Variants in AGPAT5 observed in about 807,000 individuals in gnomAD.
AGPAT5 encodes 1-acylglycerol-3-phosphate O-acyltransferase 5.
A neutral mutation model predicts 45.6 loss-of-function variants in AGPAT5; 46 were observed. The observed-to-expected ratio is 1.01, with a 90% CI of 0.80 to 1.29. The LOEUF is 1.29. AGPAT5 is among the 50% of genes most tolerant of loss of function. AGPAT5 has a pLI of 0.00. For missense variants in AGPAT5, 673 were observed against 450.7 expected, an observed-to-expected ratio of 1.49 and a Z score of -4.47; for synonymous variants, 272 against 167.0, an observed-to-expected ratio of 1.63 and a Z score of -4.85.
intron 2 of AGPAT5, among the ~76,000 whole-genome samples, chr8:6,726,072 C>T (rs191638393): frequency 1.3e-5 from 2 of 152,180 alleles, no homozygotes; most frequent in Admixed American, 1.3e-4. Flanking sequence ...AGTATTTTCC[C>T]CAACTTTATT....
chr8:6,711,241 G>C (rs1800147855), intron 1 of AGPAT5, among the ~76,000 whole-genome samples: 1 of 152,218 alleles, frequency 6.6e-6, no homozygotes, highest in African/African-American at 2.4e-5. Flanking sequence ...TATGATCTGT[G>C]CTTGGCAGGT....
chr8:6,725,260 T>C (rs1466162381), intron 2 of AGPAT5, among the ~76,000 whole-genome samples: 1 of 152,188 alleles, frequency 6.6e-6, no homozygotes, highest in East Asian at 1.9e-4. Flanking sequence ...AGAAGTAGCA[T>C]TGGTGGGTCG....
chr8:6,732,763 A>G, intron 4 of AGPAT5, 113 bp downstream of exon 4: 1 of 965,078 alleles, frequency 1.0e-6, no homozygotes, highest in Non-Finnish European at 1.5e-6. Context: ...TGTAATTACT[A>G]ATTCAGGGTT....
intron 1 of AGPAT5, among the ~76,000 whole-genome samples, chr8:6,713,844 C>T (rs1563280889): frequency 6.6e-6 from 1 of 152,184 alleles, no homozygotes; most frequent in Non-Finnish European, 1.5e-5. Context: ...GATTCATACT[C>T]TTAACTGAAA....
In AGPAT5 at chr8:6,760,909, A is replaced by G. The variant is rs565291783; in HGVS notation, c.*3521A>G. Among the ~76,000 whole-genome samples the G allele has an allele frequency of 6.6e-6, 1 of 152,208 alleles. No individual in the cohort carries two copies. Among genetic ancestry groups the G allele is most frequent in the Non-Finnish European group, 1.5e-5 (1 of 68,028 alleles). On this transcript the variant is annotated 3_prime_UTR_variant, in exon 8 of 8. Transcript: ENST00000285518. ...TTAACTGAATTTAAAACCTTCAACT[A>G]TTATGAAGTGCTCGTCTGTACAATC...
rs1801949680 is a variant in AGPAT5 at position 6,759,218 on chromosome 8, A to G, written c.*1830A>G. 6.6e-6 allele frequency: 1 copy of G among 152,216 alleles called. No homozygotes were observed. The highest frequency in any genetic ancestry group is 1.9e-4 in the East Asian group (1 of 5,198). 9.4% of individuals were successfully genotyped at this position (152,216 alleles called of 1,614,324 possible). A position where few individuals can be genotyped will look rare whatever the true frequency, so the allele number is the denominator to read the frequency against. On this transcript the variant is annotated 3_prime_UTR_variant, in exon 8 of 8. Coordinates refer to ENST00000285518, the MANE Select transcript of AGPAT5 (RefSeq NM_018361.5). ...AGTACAGGGATTTAATATATTTTGA[A>G]TATAATGGGTATGTTCTAAATTTGA...
At chr8:6,751,917 G>A (rs529105566) in intron 6 of AGPAT5, among the ~76,000 whole-genome samples, 67 of 151,708 alleles carry the variant, frequency 4.4e-4, no homozygotes, top group African/African-American at 1.6e-3. Context: ...AGTGGCTCAC[G>A]CGTGTAATCC....
Position 6,724,892 on chromosome 8 carries a change from C to G in AGPAT5, c.242C>G (p.Pro81Arg), listed in dbSNP as rs993266767. Residue 81 changes from proline to arginine, a missense_variant, in exon 2 of 8, where the codon CCA becomes CGA. Pro to Arg is a moderately radical substitution (Grantham distance 103). Coordinates refer to ENST00000285518, the MANE Select transcript of AGPAT5 (RefSeq NM_018361.5). ...GVQILLYGDLPKNKENIIYLA... is the reference protein window; with the variant it reads ...GVQILLYGDLRKNKENIIYLA... ...TAGATATTGCTATATGGAGATTTGC[C>G]AAAAAATAAAGAAAATATAATATAT... 2 of 1,139,892 alleles carry G rather than the reference C, an allele frequency of 1.8e-6. No homozygotes were observed. The highest frequency in any genetic ancestry group is 1.6e-5 in the African/African-American group (1 of 61,800). The allele number at this position is 1,139,892 out of a possible 1,614,324, so 70.6% of individuals were successfully genotyped here.
chr8:6,752,733 A>G (rs140585897), intron 6 of AGPAT5, among the ~76,000 whole-genome samples: 23 of 152,330 alleles, frequency 1.5e-4, no homozygotes, highest in African/African-American at 5.1e-4. Flanking sequence ...CTAAGGTGCT[A>G]TAGGGTGATT....
At chr8:6,739,682 A>G (rs147692903) in intron 4 of AGPAT5, among the ~76,000 whole-genome samples, 14 of 152,112 alleles carry the variant, frequency 9.2e-5, no homozygotes, top group Non-Finnish European at 1.5e-4. Context: ...TACATAAACA[A>G]TCATGTCATT....
intron 1 of AGPAT5, among the ~76,000 whole-genome samples, chr8:6,722,406 T>TA (rs1268322400): frequency 6.6e-6 from 1 of 152,200 alleles, no homozygotes; most frequent in African/African-American, 2.4e-5. Flanking sequence ...AAGTTTTTTT[T>TA]AAAAAATCAT....
chr8:6,755,308 C>A, intron 7 of AGPAT5, 134 bp downstream of exon 7: 3 of 994,234 alleles, frequency 3.0e-6, no homozygotes, highest in Non-Finnish European at 2.9e-6. Flanking sequence ...AAATTTTATG[C>A]ATGTCTGATC....
At chr8:6,756,819 A>G (rs1801856265) in intron 7 of AGPAT5, among the ~76,000 whole-genome samples, 1 of 152,088 alleles carries the variant, frequency 6.6e-6, no homozygotes, top group Non-Finnish European at 1.5e-5. Flanking sequence ...GCTCCATGTA[A>G]AAAGGAGGAG....
intron 1 of AGPAT5, among the ~76,000 whole-genome samples, chr8:6,710,337 T>TG (rs1241505820): frequency 1.2e-4 from 19 of 152,222 alleles, no homozygotes; most frequent in Admixed American, 1.2e-3. Flanking sequence ...CAAGTGATTT[T>TG]GAAAACATTT....
At chr8:6,716,618 G>A (rs1482662815) in intron 1 of AGPAT5, among the ~76,000 whole-genome samples, 4 of 152,104 alleles carry the variant, frequency 2.6e-5, no homozygotes, top group Non-Finnish European at 4.4e-5. Context: ...TGGATCACCT[G>A]AGGTCGGGAG....
intron 1 of AGPAT5, among the ~76,000 whole-genome samples, chr8:6,723,769 T>C (rs1053767701): frequency 2.0e-5 from 3 of 152,230 alleles, no homozygotes; most frequent in Non-Finnish European, 2.9e-5. Flanking sequence ...CTTTGTCACA[T>C]CCCTGGCTTC....
intron 3 of AGPAT5, 45 bp downstream of exon 3, chr8:6,730,871 ATTTTTT>A (rs59149072): frequency 2.1e-6 from 2 of 936,132 alleles, no homozygotes; most frequent in East Asian, 3.1e-5. Flanking sequence ...TAGTTTATAA[ATTTTTT>A]TTTTTTTTTT....
At position 6,741,658 on chromosome 8, in the gene AGPAT5, C is replaced by T; in HGVS notation, c.496-3C>T. ...TAAACCAAATTTGCTCTATGTCCCA[C>T]AGATGTATCTTGTGATTTTTCCAGA... On this transcript the variant is annotated splice_region_variant and splice_polypyrimidine_tract_variant and intron_variant, in intron 4 of 7. Coordinates refer to ENST00000285518, the MANE Select transcript of AGPAT5 (RefSeq NM_018361.5). The T allele has an allele frequency of 6.3e-7, 1 of 1,594,136 alleles. No individual in the cohort carries two copies. The highest frequency in any genetic ancestry group is 8.5e-7 in the Non-Finnish European group (1 of 1,172,516).
Position 6,730,318 on chromosome 8 carries a change from C to CTTTTTT in AGPAT5, c.290-368_290-363dup, listed in dbSNP as rs1238035929. On this transcript the variant is annotated intron_variant, in intron 2 of 7. Coordinates refer to ENST00000285518, the MANE Select transcript of AGPAT5 (RefSeq NM_018361.5). ...AATTTTAAACATCCTAATCATAGGA[C>CTTTTTT]TTTTTTTTTTTTTTTTTTTTTTTTT... Among the ~76,000 whole-genome samples the CTTTTTT allele has an allele frequency of 6.1e-4, 18 of 29,534 alleles. 7 individuals are homozygous for CTTTTTT. Among genetic ancestry groups the CTTTTTT allele is most frequent in the South Asian group, 1.8e-3 (2 of 1,086 alleles). 19.4% of individuals were successfully genotyped at this position (29,534 alleles called of 152,430 possible). A position where few individuals can be genotyped will look rare whatever the true frequency, so the allele number is the denominator to read the frequency against.
Sources: gnomAD v4.1 joint callset for allele counts (sites outside exome capture counted in the v4.1 genomes callset) on GRCh38, gnomAD v4.1.1 for gene constraint, MANE v1.5 for transcripts, NCBI Gene and HGNC (gene_info 2026-07-23, HGNC 2026-07-21) for gene names.